ELAPOR1: variants seen among roughly 807,000 people sequenced by gnomAD.
ELAPOR1 encodes the protein endosome/lysosome-associated apoptosis and autophagy regulator 1.
ELAPOR1 carries 77 observed loss-of-function variants against 119.7 expected under a neutral mutation model. The ratio of observed to expected loss-of-function variants is 0.64; its 90% CI spans 0.54 to 0.78. The LOEUF (loss-of-function observed/expected upper bound fraction) is 0.78, where lower values mean the gene tolerates loss of function less well. ELAPOR1 is among the 30% of genes least tolerant of loss of function. The pLI is 0.00. For synonymous variants in ELAPOR1, 481 were observed against 487.2 expected (o/e 0.99, Z 0.17); for missense variants, 1,115 against 1,270.4 (o/e 0.88, Z 1.86).
chr1:109,184,378 A>G (rs1652925131), intron 7 of ELAPOR1, among the ~76,000 whole-genome samples: 1 of 152,096 alleles, frequency 6.6e-6, no homozygotes, highest in Non-Finnish European at 1.5e-5. Flanking sequence ...TCTCAATAAT[A>G]ATAATAATAA....
At chr1:109,137,290 G>A (rs573876826) in intron 1 of ELAPOR1, among the ~76,000 whole-genome samples, 61 of 150,768 alleles carry the variant, frequency 4.0e-4, no homozygotes, top group Non-Finnish European at 7.7e-4. Flanking sequence ...TGCAACCTCC[G>A]CCTCCTGGGC....
At chr1:109,189,226 A>C in intron 10 of ELAPOR1, 32 bp downstream of exon 10, 1 of 1,605,942 alleles carries the variant, frequency 6.2e-7, no homozygotes, top group Non-Finnish European at 8.5e-7. Flanking sequence ...ATGAGCTGTC[A>C]GCTCCCTGCA....
rs534041091 is a variant in ELAPOR1, at chr1:109,177,245, C to G, written c.952+3408C>G. 4.2e-4 allele frequency among the ~76,000 whole-genome samples: 62 copies of G among 146,336 alleles called. 1 individual carries two copies. Among genetic ancestry groups the G allele is most frequent in the South Asian group, 4.4e-4 (2 of 4,564 alleles). ...TGGCCGGGCGGGGGGCTGACCCCCCCACCTCCCTCCCGGACGGGGCGGCTG... is the reference window on the plus strand; with the variant it reads ...TGGCCGGGCGGGGGGCTGACCCCCCGACCTCCCTCCCGGACGGGGCGGCTG... On this transcript the variant is annotated intron_variant, in intron 7 of 21. Coordinates refer to ENST00000369939, the MANE Select transcript of ELAPOR1 (RefSeq NM_020775.5).
intron 1 of ELAPOR1, among the ~76,000 whole-genome samples, chr1:109,146,709 C>G (rs1282836962): frequency 6.6e-6 from 1 of 152,176 alleles, no homozygotes; most frequent in Non-Finnish European, 1.5e-5. Flanking sequence ...AGGTAGTCAT[C>G]AAGATGAACT....
At chr1:109,196,095 G>A (rs1379266680) in intron 15 of ELAPOR1, among the ~76,000 whole-genome samples, 1 of 152,166 alleles carries the variant, frequency 6.6e-6, no homozygotes, top group African/African-American at 2.4e-5. Context: ...GGCGGAGATT[G>A]CAGTGAGCCA....
chr1:109,167,670 G>A (rs1278200419), intron 3 of ELAPOR1, among the ~76,000 whole-genome samples: 3 of 151,924 alleles, frequency 2.0e-5, no homozygotes, highest in South Asian at 2.1e-4. Flanking sequence ...GTGCAATGGC[G>A]CAATCACAGC....
rs187782163 is a variant in ELAPOR1, at chr1:109,139,244, G to A, written c.154-22650G>A. 2.8e-4 allele frequency among the ~76,000 whole-genome samples: 43 copies of A among 152,088 alleles called. No homozygotes were observed. In the East Asian group the frequency reaches 7.8e-3, roughly 27 times the overall value. ...CAACGCCTGTAGTCCCAGCCATTTG[G>A]GGAGCTGAGTTGGGAGGATTGCTTG... is the stretch of plus-strand genomic sequence containing the variant. On this transcript the variant is annotated intron_variant, in intron 1 of 21. Transcript: ENST00000369939.
rs370062155 is a variant in ELAPOR1 at position 109,198,808 on chromosome 1, G to A, written c.2501+134G>A. 1,149 of 706,880 alleles carry A rather than the reference G, an allele frequency of 1.6e-3. 16 individuals are homozygous for A. The highest frequency in any genetic ancestry group is 0.011 in the South Asian group (576 of 54,560). 43.8% of individuals were successfully genotyped at this position (706,880 alleles called of 1,614,324 possible). A position where few individuals can be genotyped will look rare whatever the true frequency, so the allele number is the denominator to read the frequency against. ...CCATTAATGGGTGCTTAGGGGCACA[G>A]TCATGGCCCCAGACCCTCAGTCTTC... On this transcript the variant is annotated intron_variant, in intron 18 of 21. Transcript: ENST00000369939.
chr1:109,179,735 G>A (rs571813490), intron 7 of ELAPOR1, among the ~76,000 whole-genome samples: 12 of 151,772 alleles, frequency 7.9e-5, no homozygotes, highest in South Asian at 6.3e-4. Flanking sequence ...GTGAAACCCC[G>A]TCTCTACTAG....
intron 1 of ELAPOR1, among the ~76,000 whole-genome samples, chr1:109,131,616 G>A (rs1362090586): frequency 8.5e-5 from 13 of 152,154 alleles, no homozygotes. Context: ...CCCTCGAGGG[G>A]TTTACAGGTT....
intron 2 of ELAPOR1, among the ~76,000 whole-genome samples, chr1:109,164,184 A>G (rs1319883932): frequency 6.6e-6 from 1 of 152,126 alleles, no homozygotes; most frequent in Admixed American, 6.5e-5. Context: ...ACCTCATATT[A>G]TTAGCAATCT....
intron 8 of ELAPOR1, 78 bp from the exon 9 acceptor site, chr1:109,188,099 G>A (rs1653167873): frequency 2.0e-6 from 3 of 1,519,528 alleles, no homozygotes; most frequent in African/African-American, 1.4e-5. Context: ...TCTGCCCCCA[G>A]CCCCTATCCT....
chr1:109,177,072 C>A (rs1489163624), intron 7 of ELAPOR1, among the ~76,000 whole-genome samples: 27 of 144,194 alleles, frequency 1.9e-4, no homozygotes, highest in African/African-American at 2.1e-4. Flanking sequence ...CCTTTCTATT[C>A]CACAAAACCG....
chr1:109,188,796 A>G (rs542839557), intron 9 of ELAPOR1, among the ~76,000 whole-genome samples: 2 of 152,272 alleles, frequency 1.3e-5, no homozygotes, highest in Non-Finnish European at 2.9e-5. Flanking sequence ...GTATCAGACT[A>G]GAAGGTACAT....
In ELAPOR1 at chr1:109,203,301, T is replaced by A; in HGVS notation, c.*289T>A. On this transcript the variant is annotated 3_prime_UTR_variant, in exon 22 of 22. Coordinates refer to ENST00000369939, the MANE Select transcript of ELAPOR1 (RefSeq NM_020775.5). ...GAGCCATAGCTTCGTCTGCTCATAATTCTTATAGCTTTGGAATGAAAATAT... is the reference window on the plus strand; with the variant it reads ...GAGCCATAGCTTCGTCTGCTCATAAATCTTATAGCTTTGGAATGAAAATAT... 1 of 406,260 alleles carries A rather than the reference T, an allele frequency of 2.5e-6. No homozygotes were observed. The highest frequency in any genetic ancestry group is 4.4e-6 in the Non-Finnish European group (1 of 225,774). 25.2% of individuals were successfully genotyped at this position (406,260 alleles called of 1,614,324 possible). A position where few individuals can be genotyped will look rare whatever the true frequency, so the allele number is the denominator to read the frequency against.
chr1:109,179,572 G>T (rs973389167), intron 7 of ELAPOR1, among the ~76,000 whole-genome samples: 1 of 152,172 alleles, frequency 6.6e-6, no homozygotes, highest in South Asian at 2.1e-4. Context: ...TATTGTAGGG[G>T]CAAAAAATTG....
At chr1:109,178,304 C>G (rs990166944) in intron 7 of ELAPOR1, among the ~76,000 whole-genome samples, 1 of 152,162 alleles carries the variant, frequency 6.6e-6, no homozygotes, top group Non-Finnish European at 1.5e-5. Context: ...AGCCACTGCA[C>G]CTGGCCAGTG....
chr1:109,200,633 A>C (rs1174890762), intron 20 of ELAPOR1, 102 bp from the exon 21 acceptor site: 9 of 1,103,640 alleles, frequency 8.2e-6, no homozygotes, highest in Admixed American at 4.8e-5. Flanking sequence ...CTCCTTACCC[A>C]TGGCATGGGA....
chr1:109,160,739 A>C (rs1031697290), intron 1 of ELAPOR1, among the ~76,000 whole-genome samples: 1 of 152,212 alleles, frequency 6.6e-6, no homozygotes, highest in Non-Finnish European at 1.5e-5. Flanking sequence ...GGGCTTGAAT[A>C]TAGTTTTAGG....
Sources: gnomAD v4.1 joint callset for allele counts (sites outside exome capture counted in the v4.1 genomes callset) on GRCh38, gnomAD v4.1.1 for gene constraint, MANE v1.5 for transcripts, NCBI Gene and HGNC (gene_info 2026-07-23, HGNC 2026-07-21) for gene names.